The following TMEM236 variants were observed in gnomAD, a reference collection of about 807,000 sequenced individuals.
The protein encoded by TMEM236 is transmembrane protein 236.
A neutral mutation model predicts 14.7 loss-of-function variants in TMEM236; 11 were observed. The ratio of observed to expected loss-of-function variants is 0.75; its 90% CI spans 0.47 to 1.24. The LOEUF (loss-of-function observed/expected upper bound fraction) is 1.24, where lower values mean the gene tolerates loss of function less well. Ranked by LOEUF, TMEM236 falls within the 50% of genes most tolerant of loss-of-function variation. The probability of loss-of-function intolerance (pLI) is 0.00; values close to 1 mark genes in which losing one functional copy is unlikely to be tolerated. For synonymous variants in TMEM236, 182 were observed against 168.6 expected (o/e 1.08, Z -0.62); for missense variants, 464 against 427.3 (o/e 1.09, Z -0.76).
chr10:17,785,678 C>T (rs912845237), intron 3 of TMEM236, among the ~76,000 whole-genome samples: 1,648 of 151,930 alleles, frequency 0.011, 13 homozygotes, highest in Middle Eastern at 0.048. Flanking sequence ...AGCTGAATTT[C>T]CATAATGTGT....
chr10:17,763,145 C>G (rs1196266750), intron 1 of TMEM236, among the ~76,000 whole-genome samples: 1 of 152,116 alleles, frequency 6.6e-6, no homozygotes, highest in Non-Finnish European at 1.5e-5. Flanking sequence ...TGTGACCCAC[C>G]ACTAGTCCTT....
chr10:17,752,588 T>C (rs1485382252), intron 1 of TMEM236, 36 bp downstream of exon 1: 9 of 1,602,180 alleles, frequency 5.6e-6, no homozygotes, highest in Non-Finnish European at 7.7e-6. Flanking sequence ...TCTTTTTGAT[T>C]TGGAGTCTCG....
intron 3 of TMEM236, among the ~76,000 whole-genome samples, chr10:17,787,938 G>A (rs1298217335): frequency 2.0e-5 from 3 of 152,050 alleles, no homozygotes; most frequent in South Asian, 2.1e-4. Context: ...GAGGAAATAC[G>A]GGTAGAGGCA....
chr10:17,764,360 C>T (rs921016087), intron 1 of TMEM236, among the ~76,000 whole-genome samples: 1 of 152,140 alleles, frequency 6.6e-6, no homozygotes, highest in African/African-American at 2.4e-5. Flanking sequence ...ATCGGCAGTA[C>T]CCTAACTCAG....
In TMEM236 at chr10:17,752,370, C is replaced by G; in HGVS notation, c.75C>G (p.Leu25=). 2 of 1,613,834 alleles carry G rather than the reference C, an allele frequency of 1.2e-6. No homozygotes were observed. The highest frequency in any genetic ancestry group is 1.7e-6 in the Non-Finnish European group (2 of 1,179,846). ...LEFAAFSIPT[L]VITEQFATAY... is the part of the protein sequence containing the mutation. ...TTGCCGCTTTCTCCATCCCCACACTCGTGATCACAGAACAGTTTGCCACCG... is the reference window on the plus strand; with the variant it reads ...TTGCCGCTTTCTCCATCCCCACACTGGTGATCACAGAACAGTTTGCCACCG... Residue 25 remains leucine, a synonymous_variant, in exon 1 of 4, where the codon CTC becomes CTG. Coordinates refer to ENST00000377495, the MANE Select transcript of TMEM236 (RefSeq NM_001098844.3).
Position 17,776,108 on chromosome 10 carries a change from C to T in TMEM236, c.410C>T (p.Ser137Phe). The T allele has an allele frequency of 6.2e-7, 1 of 1,613,742 alleles. No homozygotes were observed. The highest frequency in any genetic ancestry group is 1.7e-5 in the Admixed American group (1 of 60,018). ...CTGCCCGTATCTCTGGTTCTGTTATCCCTGATCATGGTTGATATTATTGAA... is the reference window on the plus strand; with the variant it reads ...CTGCCCGTATCTCTGGTTCTGTTATTCCTGATCATGGTTGATATTATTGAA... ...PDLPVSLVLLSLIMVDIIEKL... is the reference protein window; with the variant it reads ...PDLPVSLVLLFLIMVDIIEKL... Residue 137 changes from serine to phenylalanine, a missense_variant, in exon 3 of 4, where the codon TCC (serine) becomes TTC (phenylalanine). Transcript: ENST00000377495.
At chr10:17,755,139 C>A (rs1837267734) in intron 1 of TMEM236, among the ~76,000 whole-genome samples, 1 of 147,734 alleles carries the variant, frequency 6.8e-6, no homozygotes, top group Admixed American at 6.8e-5. Flanking sequence ...TTAATAGAGA[C>A]AGGGTTTCTT....
intron 1 of TMEM236, among the ~76,000 whole-genome samples, chr10:17,767,201 G>T (rs543515878): frequency 6.6e-6 from 1 of 152,120 alleles, no homozygotes; most frequent in Admixed American, 6.5e-5. Flanking sequence ...GGTGGCTCAC[G>T]CCTGTAATCC....
At chr10:17,762,110 G>A (rs1837374693) in intron 1 of TMEM236, among the ~76,000 whole-genome samples, 1 of 152,070 alleles carries the variant, frequency 6.6e-6, no homozygotes, top group African/African-American at 2.4e-5. Flanking sequence ...CTTGTATGGT[G>A]ACAGCTCCCC....
chr10:17,761,648 C>G (rs1037922756), intron 1 of TMEM236, among the ~76,000 whole-genome samples: 1 of 143,668 alleles, frequency 7.0e-6, no homozygotes, highest in Non-Finnish European at 1.5e-5. Context: ...GAGCTGAGAT[C>G]GTGCCACTGC....
chr10:17,755,898 A>G (rs1372044012), intron 1 of TMEM236, among the ~76,000 whole-genome samples: 3 of 152,204 alleles, frequency 2.0e-5, no homozygotes, highest in Admixed American at 1.3e-4. Context: ...TGTTATTATT[A>G]TTAGGCTATA....
Position 17,796,085 on chromosome 10 carries a change from A to C in TMEM236, c.637A>C (p.Met213Leu), listed in dbSNP as rs1838008760. ...AMTRSQESVFMGPQEPSCDSG... is the reference protein window; with the variant it reads ...AMTRSQESVFLGPQEPSCDSG... The stretch of plus-strand genomic sequence containing the variant: ...GACACGGAGCCAGGAGTCTGTGTTC[A>C]TGGGACCCCAGGAGCCCTCCTGTGA... Residue 213 changes from methionine (M) to leucine (L), a missense_variant, in exon 4 of 4, where the codon ATG (methionine) becomes CTG (leucine). Coordinates refer to ENST00000377495, the MANE Select transcript of TMEM236 (RefSeq NM_001098844.3). The C allele has an allele frequency of 1.2e-6, 2 of 1,613,882 alleles. No individual in the cohort carries two copies. The highest frequency in any genetic ancestry group is 2.2e-5 in the South Asian group (2 of 91,068).
At chr10:17,784,872 G>A (rs1389850879) in intron 3 of TMEM236, among the ~76,000 whole-genome samples, 5 of 152,160 alleles carry the variant, frequency 3.3e-5, no homozygotes, top group Non-Finnish European at 7.3e-5. Context: ...TGAAGTGGGC[G>A]AGGGATAGGG....
At chr10:17,793,531 T>G (rs1253903380) in intron 3 of TMEM236, among the ~76,000 whole-genome samples, 1 of 152,224 alleles carries the variant, frequency 6.6e-6, no homozygotes. Flanking sequence ...TCACCCAGGC[T>G]GGAGTGCAGT....
intron 3 of TMEM236, among the ~76,000 whole-genome samples, chr10:17,779,387 G>A (rs1837711970): frequency 6.6e-6 from 1 of 151,990 alleles, no homozygotes; most frequent in African/African-American, 2.4e-5. Context: ...ACCCATCTTG[G>A]TGGGGTACAC....
At chr10:17,768,096 T>TGTTTG (rs1398393602) in intron 1 of TMEM236, among the ~76,000 whole-genome samples, 15,186 of 139,754 alleles carry the variant, frequency 0.11, 1,064 homozygotes, top group Non-Finnish European at 0.15. Flanking sequence ...GTTTTTTTTT[T>TGTTTG]TTTTTTTTTT....
chr10:17,790,666 C>A (rs1036202868), intron 3 of TMEM236, among the ~76,000 whole-genome samples: 42 of 152,178 alleles, frequency 2.8e-4, no homozygotes, highest in Admixed American at 6.5e-5. Flanking sequence ...CTTTGTGTGC[C>A]GAATGTTTTT....
In TMEM236 at chr10:17,800,839, A is replaced by C. The variant is rs1838082687; in HGVS notation, c.*4335A>C. On this transcript the variant is annotated 3_prime_UTR_variant, in exon 4 of 4. Transcript: ENST00000377495. Reference sequence around the variant, plus strand: ...TGTTTTACAATGGGGCTGTTTTTACATGTTAATTAAAATTCTATGTTTAAA... The same window carrying C: ...TGTTTTACAATGGGGCTGTTTTTACCTGTTAATTAAAATTCTATGTTTAAA... The C allele has an allele frequency of 6.6e-6, 1 of 152,246 alleles. No homozygotes were observed. Among genetic ancestry groups the C allele is most frequent in the African/African-American group, 2.4e-5 (1 of 41,458 alleles). 9.4% of individuals were successfully genotyped at this position (152,246 alleles called of 1,614,324 possible). A position where few individuals can be genotyped will look rare whatever the true frequency, so the allele number is the denominator to read the frequency against.
chr10:17,757,507 G>T (rs1366695663), intron 1 of TMEM236, among the ~76,000 whole-genome samples: 1 of 151,342 alleles, frequency 6.6e-6, no homozygotes, highest in African/African-American at 2.4e-5. Context: ...GCTAAAGGGG[G>T]ACGATCACTT....
Sources: gnomAD v4.1 joint callset for allele counts (sites outside exome capture counted in the v4.1 genomes callset) on GRCh38, gnomAD v4.1.1 for gene constraint, MANE v1.5 for transcripts, NCBI Gene and HGNC (gene_info 2026-07-23, HGNC 2026-07-21) for gene names.